Variants in MED15 observed in about 807,000 individuals in gnomAD.
The protein encoded by MED15 is mediator of RNA polymerase II transcription subunit 15.
MED15 carries 41 observed loss-of-function variants against 118.7 expected under a neutral mutation model. The ratio of observed to expected loss-of-function variants is 0.35; its 90% CI spans 0.27 to 0.45. The LOEUF (loss-of-function observed/expected upper bound fraction) is 0.45. Ranked by LOEUF, MED15 falls within the 20% of genes least tolerant of loss-of-function variation. The pLI, the probability that MED15 is intolerant of heterozygous loss-of-function variation, is 1.00. For synonymous variants in MED15, 436 were observed against 413.9 expected (o/e 1.05, Z -0.65); for missense variants, 740 against 1,025.5 (o/e 0.72, Z 3.80).
chr22:20,507,891 C>T (rs2053924725), intron 1 of MED15, 145 bp downstream of exon 1: 5 of 1,480,520 alleles, frequency 3.4e-6, no homozygotes, highest in Non-Finnish European at 4.5e-6. Context: ...GGGCTCGGGC[C>T]CCCCCGTCTG....
At chr22:20,548,896 T>G (rs2055661952) in intron 2 of MED15, among the ~76,000 whole-genome samples, 2 of 152,252 alleles carry the variant, frequency 1.3e-5, no homozygotes, top group South Asian at 4.1e-4. Context: ...AGCATTGATC[T>G]CCCAGGCTCA....
At chr22:20,531,018 A>G (rs1301236385) in intron 1 of MED15, among the ~76,000 whole-genome samples, 1 of 152,072 alleles carries the variant, frequency 6.6e-6, no homozygotes, top group Non-Finnish European at 1.5e-5. Context: ...ATTAACTACT[A>G]TCATCCTCAG....
chr22:20,566,730 C>G lies in MED15; in HGVS notation c.954C>G (p.Leu318=), dbSNP rs1423327752. Reference sequence around the variant, plus strand: ...TTGCTCAGAACCAACCATCACAACTCCCGCCACAGTCGCAGACCCAGCCTT... The same window carrying G: ...TTGCTCAGAACCAACCATCACAACTGCCGCCACAGTCGCAGACCCAGCCTT... ...PPVAQNQPSQ[L]PPQSQTQPLV... The change falls in exon 7 of 18, where the codon CTC becomes CTG. Residue 318 remains leucine (L), a synonymous_variant. Transcript: ENST00000263205. The G allele has an allele frequency of 1.9e-6, 3 of 1,614,192 alleles. No individual in the cohort carries two copies. The highest frequency in any genetic ancestry group is 3.3e-4 in the Middle Eastern group (2 of 6,062).
chr22:20,538,141 T>G (rs2055151807), intron 2 of MED15, among the ~76,000 whole-genome samples: 2 of 152,242 alleles, frequency 1.3e-5, no homozygotes, highest in African/African-American at 4.8e-5. Context: ...GAGGTGCAGC[T>G]TCCCTGTGTT....
intron 2 of MED15, chr22:20,551,112 G>T (rs1177892380): frequency 1.8e-6 from 1 of 551,720 alleles, no homozygotes; most frequent in South Asian, 1.5e-5. Flanking sequence ...CCCCCAACCT[G>T]CCTGTCCCCT....
intron 1 of MED15, chr22:20,519,045 G>T (rs993308771): frequency 2.9e-6 from 1 of 346,098 alleles, no homozygotes; most frequent in Non-Finnish European, 5.7e-6. Context: ...GTAGAGTAAG[G>T]GTTTTGCCAT....
chr22:20,585,706 G>C, intron 16 of MED15, 22 bp from the exon 17 acceptor site: 3 of 1,610,654 alleles, frequency 1.9e-6, no homozygotes. Flanking sequence ...CCAGGTCACA[G>C]ATAGAGCCTT....
chr22:20,541,312 A>G (rs1012696810), intron 2 of MED15, among the ~76,000 whole-genome samples: 9 of 152,214 alleles, frequency 5.9e-5, no homozygotes, highest in Admixed American at 1.3e-4. Flanking sequence ...GAATAAACCT[A>G]TCTCCAAAGA....
At chr22:20,575,006 T>G in intron 8 of MED15, 107 bp from the exon 9 acceptor site, 1 of 1,534,484 alleles carries the variant, frequency 6.5e-7, no homozygotes. Flanking sequence ...AAGCTTTCCT[T>G]GCCCTGGTGC....
chr22:20,531,635 C>T lies in MED15; in HGVS notation c.69-5482C>T, dbSNP rs549774635. Among the ~76,000 whole-genome samples the T allele has an allele frequency of 4.6e-5, 7 of 152,370 alleles. No individual in the cohort carries two copies. In the East Asian group the frequency reaches 7.7e-4, roughly 17 times the overall value. ...CCCCATGGCTGCCACGCTGATTCTC[C>T]GTTCTGCACGTCGTGTCCCATCAAA... is the stretch of plus-strand genomic sequence containing the variant. On this transcript the variant is annotated intron_variant, in intron 1 of 17. Coordinates refer to ENST00000263205, the MANE Select transcript of MED15 (RefSeq NM_001003891.3).
chr22:20,536,123 G>A (rs187833441), intron 1 of MED15, among the ~76,000 whole-genome samples: 6 of 151,976 alleles, frequency 3.9e-5, no homozygotes, highest in Non-Finnish European at 7.4e-5. Context: ...TGATCCACCC[G>A]CCTCGGCCTC....
chr22:20,563,112 T>C (rs2056307060), intron 5 of MED15, among the ~76,000 whole-genome samples: 1 of 152,188 alleles, frequency 6.6e-6, no homozygotes, highest in Admixed American at 6.5e-5. Context: ...ACAGAGAAAC[T>C]GAATCACTCA....
chr22:20,563,172 A>G (rs2056308585), intron 5 of MED15, among the ~76,000 whole-genome samples: 2 of 152,218 alleles, frequency 1.3e-5, no homozygotes, highest in South Asian at 4.1e-4. Context: ...TCAAAATGAA[A>G]TATGCAACTC....
intron 5 of MED15, 111 bp downstream of exon 5, chr22:20,555,259 T>C: frequency 8.5e-7 from 1 of 1,178,618 alleles, no homozygotes; most frequent in Non-Finnish European, 1.2e-6. Context: ...TCCAAATCGC[T>C]CTGGTTTTTT....
At chr22:20,573,843 C>T (rs11704626) in intron 8 of MED15, 16,882 of 152,234 alleles carry the variant, frequency 0.11, 1,272 homozygotes, top group Non-Finnish European at 0.15. Flanking sequence ...AGACGGGCTC[C>T]TCCGAAGTGC....
Position 20,575,166 on chromosome 22 carries a change from G to A in MED15, c.1206G>A (p.Pro402=), listed in dbSNP as rs201830458. 6.2e-7 allele frequency: 1 copy of A among 1,614,118 alleles called. No homozygotes were observed. The highest frequency in any genetic ancestry group is 1.7e-5 in the Admixed American group (1 of 60,030). The part of the protein sequence containing the change: ...QGGMHIRARF[P]PTTAVSAIPS... ...GGATGCACATAAGAGCCCGGTTCCC[G>A]CCTACCACCGCTGTGTCCGCCATCC... The change falls in exon 9 of 18, where the codon CCG becomes CCA. Residue 402 remains proline, a synonymous_variant. Transcript: ENST00000263205.
chr22:20,532,581 T>G (rs2054902229), intron 1 of MED15, among the ~76,000 whole-genome samples: 1 of 152,184 alleles, frequency 6.6e-6, no homozygotes, highest in Non-Finnish European at 1.5e-5. Context: ...GGAGCCCAGT[T>G]CACAGCAAGG....
chr22:20,533,741 C>T (rs911725291), intron 1 of MED15, among the ~76,000 whole-genome samples: 5 of 152,196 alleles, frequency 3.3e-5, no homozygotes, highest in South Asian at 2.1e-4. Context: ...GAGTAGCTGA[C>T]GGTGCCCACA....
chr22:20,547,063 CAT>C lies in MED15; in HGVS notation c.157-4372_157-4371del, dbSNP rs374840936. On this transcript the variant is annotated intron_variant, in intron 2 of 17. Coordinates refer to ENST00000263205, the MANE Select transcript of MED15 (RefSeq NM_001003891.3). ...GGGTTTTTACTTCTTTCATTTTAAACATGTGTCTTTTCTGTTACTATGAATAT... is the reference window on the plus strand; with the variant it reads ...GGGTTTTTACTTCTTTCATTTTAAACGTGTCTTTTCTGTTACTATGAATAT... Among the ~76,000 whole-genome samples the C allele has an allele frequency of 2.1e-3, 319 of 152,232 alleles. 1 individual carries two copies. Among genetic ancestry groups the C allele is most frequent in the African/African-American group, 7.2e-3 (300 of 41,546 alleles).
Sources: gnomAD v4.1 joint callset for allele counts (sites outside exome capture counted in the v4.1 genomes callset) on GRCh38, gnomAD v4.1.1 for gene constraint, MANE v1.5 for transcripts, NCBI Gene and HGNC (gene_info 2026-07-23, HGNC 2026-07-21) for gene names.